KCNMA1: variants seen among roughly 807,000 people sequenced by gnomAD.
KCNMA1 encodes Calcium-activated potassium channel subunit alpha-1.
In KCNMA1, 29 loss-of-function variants were observed where a neutral mutation model predicts 140.0. The ratio of observed to expected loss-of-function variants is 0.21; its 90% CI spans 0.15 to 0.28. The LOEUF (loss-of-function observed/expected upper bound fraction) is 0.28. Ranked by LOEUF, KCNMA1 falls within the 10% of genes least tolerant of loss-of-function variation. The pLI is 1.00. For synonymous variants in KCNMA1, 612 were observed against 611.9 expected (o/e 1.00, Z 0.00); for missense variants, 880 against 1,602.2 (o/e 0.55, Z 7.70).
At chr10:77,129,191 T>G (rs2097801128) in intron 5 of KCNMA1, among the ~76,000 whole-genome samples, 1 of 152,196 alleles carries the variant, frequency 6.6e-6, no homozygotes, top group Non-Finnish European at 1.5e-5. Flanking sequence ...TTTGATGTAT[T>G]TATTTATTTT....
chr10:77,049,365 G>A (rs1475512183), intron 14 of KCNMA1, among the ~76,000 whole-genome samples: 1 of 152,186 alleles, frequency 6.6e-6, no homozygotes, highest in Non-Finnish European at 1.5e-5. Context: ...GGCCATGTGG[G>A]CTGAATGAGA....
intron 1 of KCNMA1, among the ~76,000 whole-genome samples, chr10:77,559,621 G>A (rs1183426092): frequency 6.6e-6 from 1 of 152,140 alleles, no homozygotes; most frequent in East Asian, 1.9e-4. Flanking sequence ...TGCTGAGAGG[G>A]ACAATCCTGG....
intron 23 of KCNMA1, among the ~76,000 whole-genome samples, chr10:76,917,534 A>G (rs2053478198): frequency 6.6e-6 from 1 of 151,928 alleles, no homozygotes; most frequent in Non-Finnish European, 1.5e-5. Flanking sequence ...GGCTTCTTTC[A>G]TTTTGCTTTC....
At chr10:77,079,309 T>C (rs1403920235) in intron 13 of KCNMA1, among the ~76,000 whole-genome samples, 172 bp downstream of exon 13, 1 of 151,780 alleles carries the variant, frequency 6.6e-6, no homozygotes, top group Non-Finnish European at 1.5e-5. Context: ...CCCAGGAAGA[T>C]TTTTAACAAT....
chr10:76,938,998 C>A (rs545597914), intron 23 of KCNMA1: 1 of 151,860 alleles, frequency 6.6e-6, no homozygotes, highest in African/African-American at 2.4e-5. Flanking sequence ...GGCTATGGAT[C>A]ACTTTAAATT....
chr10:77,345,650 A>T (rs183814150), intron 2 of KCNMA1, among the ~76,000 whole-genome samples: 3 of 152,334 alleles, frequency 2.0e-5, no homozygotes, highest in Admixed American at 1.3e-4. Context: ...GAGAGGAACC[A>T]AGTTGGGTTA....
chr10:77,457,108 G>A (rs1306126205), intron 1 of KCNMA1, among the ~76,000 whole-genome samples: 7 of 152,230 alleles, frequency 4.6e-5, no homozygotes, highest in South Asian at 4.2e-4. Context: ...GGACCCCTCC[G>A]AAGTTCATTC....
intron 1 of KCNMA1, among the ~76,000 whole-genome samples, chr10:77,415,270 CCTT>C (rs1303820541): frequency 2.0e-5 from 3 of 152,230 alleles, no homozygotes; most frequent in African/African-American, 7.2e-5. Context: ...ATAACAATCT[CCTT>C]CTCTTTCAAT....
intron 16 of KCNMA1, among the ~76,000 whole-genome samples, chr10:77,022,744 CT>C (rs1397066677): frequency 1.3e-5 from 2 of 152,078 alleles, no homozygotes; most frequent in Non-Finnish European, 2.9e-5. Flanking sequence ...ATAAGTTTTC[CT>C]TTTTTTCACA....
At chr10:77,159,263 CTT>C (rs2098527392) in intron 5 of KCNMA1, among the ~76,000 whole-genome samples, 1 of 152,192 alleles carries the variant, frequency 6.6e-6, no homozygotes, top group South Asian at 2.1e-4. Flanking sequence ...TCATTTCTTG[CTT>C]TTGTTTTAGG....
chr10:76,989,640 T>G (rs2082207465), intron 19 of KCNMA1, among the ~76,000 whole-genome samples: 2 of 152,200 alleles, frequency 1.3e-5, no homozygotes, highest in Non-Finnish European at 2.9e-5. Flanking sequence ...GTTGGCTTAT[T>G]TCTGTTGGGA....
At chr10:77,614,497 G>C (rs570553719) in intron 1 of KCNMA1, among the ~76,000 whole-genome samples, 6 of 152,302 alleles carry the variant, frequency 3.9e-5, no homozygotes, top group Admixed American at 6.5e-5. Flanking sequence ...CTTTGTGTAA[G>C]ATAGACTCAA....
rs144937919 is a variant in KCNMA1 at position 77,239,488 on chromosome 10, A to G, written c.602+11707T>C. Among the ~76,000 whole-genome samples, 7 of 152,280 alleles carry G rather than the reference A, an allele frequency of 4.6e-5. No individual in the cohort carries two copies. In the East Asian group the frequency reaches 1.4e-3, roughly 29 times the overall value. On this transcript the variant is annotated intron_variant, in intron 3 of 27. Coordinates refer to ENST00000286628, the MANE Select transcript of KCNMA1 (RefSeq NM_001161352.2). The stretch of plus-strand genomic sequence containing the variant: ...GAGATAGGTATCCTTGTTAAGGACA[A>G]CTGCATTCTAGTAGATTCCACCATC...
At chr10:77,407,941 G>T (rs899505748) in intron 1 of KCNMA1, among the ~76,000 whole-genome samples, 1 of 152,194 alleles carries the variant, frequency 6.6e-6, no homozygotes, top group Admixed American at 6.5e-5. Flanking sequence ...AGGAGGTGCA[G>T]GTTCTAACAC....
chr10:77,537,089 C>T (rs531918204), intron 1 of KCNMA1, among the ~76,000 whole-genome samples: 2 of 152,300 alleles, frequency 1.3e-5, no homozygotes, highest in African/African-American at 2.4e-5. Flanking sequence ...GCCCTAAACA[C>T]GGGACATCAC....
At chr10:76,876,227 T>G (rs1312419172), downstream of KCNMA1, 3 of 152,682 alleles carry the variant, frequency 2.0e-5, no homozygotes, top group Admixed American at 6.5e-5. Flanking sequence ...CTAGATATCA[T>G]GAAACTTCGG....
rs570763846 is a variant in KCNMA1, at chr10:77,591,700, C to T, written c.378+45565G>A. Among the ~76,000 whole-genome samples the T allele has an allele frequency of 9.3e-4, 142 of 152,354 alleles. No individual in the cohort carries two copies. The Middle Eastern group carries it at 0.01, about 11-fold the overall frequency. Reference sequence around the variant, plus strand: ...CTGTGTTTTACATGCAATCCCTGTGCTCCTGGCTTCCCTGGGAATGTGGTT... The same window carrying T: ...CTGTGTTTTACATGCAATCCCTGTGTTCCTGGCTTCCCTGGGAATGTGGTT... On this transcript the variant is annotated intron_variant, in intron 1 of 27. Coordinates refer to ENST00000286628, the MANE Select transcript of KCNMA1 (RefSeq NM_001161352.2).
intron 1 of KCNMA1, among the ~76,000 whole-genome samples, chr10:77,633,113 A>G (rs1345622279): frequency 6.6e-6 from 1 of 152,178 alleles, no homozygotes; most frequent in African/African-American, 2.4e-5. Flanking sequence ...TCAGGAGATC[A>G]AGACAATCCT....
chr10:77,464,021 C>G (rs1042003153), intron 1 of KCNMA1, among the ~76,000 whole-genome samples: 1 of 152,160 alleles, frequency 6.6e-6, no homozygotes. Context: ...AGACCCCACC[C>G]TAGACCTCCC....
Sources: gnomAD v4.1 joint callset for allele counts (sites outside exome capture counted in the v4.1 genomes callset) on GRCh38, gnomAD v4.1.1 for gene constraint, MANE v1.5 for transcripts, NCBI Gene and HGNC (gene_info 2026-07-23, HGNC 2026-07-21) for gene names.